The following ATP4A variants were observed in gnomAD, a reference collection of about 807,000 sequenced individuals.
ATP4A encodes the protein ATPase H+/K+ transporting subunit alpha.
ATP4A carries 73 observed loss-of-function variants against 112.1 expected under a neutral mutation model. The observed-to-expected ratio is 0.65, with a 90% CI of 0.54 to 0.79. The LOEUF (loss-of-function observed/expected upper bound fraction) is 0.79. ATP4A is among the 30% of genes least tolerant of loss of function. The pLI is 0.00. For missense variants in ATP4A, 1,081 were observed against 1,425.9 expected (o/e 0.76, Z 3.90); for synonymous variants, 588 against 588.9 (o/e 1.00, Z 0.02).
rs1199278143 is a variant in ATP4A, at chr19:35,551,287, C to T, written c.2885+160G>A. Among the ~76,000 whole-genome samples the T allele has an allele frequency of 1.3e-5, 2 of 151,728 alleles. No individual in the cohort carries two copies. The highest frequency in any genetic ancestry group is 6.6e-5 in the Admixed American group (1 of 15,236). On this transcript the variant is annotated intron_variant, in intron 19 of 21. Coordinates refer to ENST00000262623, the MANE Select transcript of ATP4A (RefSeq NM_000704.3). The surrounding 1 kb of genome is among the most constrained non-coding windows in gnomAD (Gnocchi z 5.2). ...CCCTTTAGTGAAATGTGGAGGGGGC[C>T]GTGGGGGGAGTTATTGGCCAGTTAG...
Position 35,557,593 on chromosome 19 carries a change from G to A in ATP4A, c.1693+62C>T. 1 of 1,510,466 alleles carries A rather than the reference G, an allele frequency of 6.6e-7. No individual in the cohort carries two copies. The highest frequency in any genetic ancestry group is 8.9e-7 in the Non-Finnish European group (1 of 1,120,498). The allele number at this position is 1,510,466 out of a possible 1,614,324, so 93.6% of individuals were successfully genotyped here. On this transcript the variant is annotated intron_variant, in intron 11 of 21. Coordinates refer to ENST00000262623, the MANE Select transcript of ATP4A (RefSeq NM_000704.3). The surrounding 1 kb of genome is among the most constrained non-coding windows in gnomAD (Gnocchi z 4.4). Reference sequence around the variant, plus strand: ...GGTCAGGGCTGGGCCGGGAGTGGTGGGCAGGGTCTGTGCTAGCTCCTCCTC... The same window carrying A: ...GGTCAGGGCTGGGCCGGGAGTGGTGAGCAGGGTCTGTGCTAGCTCCTCCTC...
At position 35,560,466 on chromosome 19, in the gene ATP4A, C is replaced by T. The variant is rs753704546; in HGVS notation, c.684G>A (p.Ser228=). ...AAQGCKVDNS[S]LTGESEPQTR... Reference sequence around the variant, plus strand: ...TCTGTGGCTCAGACTCCCCTGTCAGCGAGGAGTTGTCCACCTTGCAGCCCT... The same window carrying T: ...TCTGTGGCTCAGACTCCCCTGTCAGTGAGGAGTTGTCCACCTTGCAGCCCT... Residue 228 remains serine (S), a synonymous_variant, in exon 6 of 22, where the codon TCG becomes TCA. Coordinates refer to ENST00000262623, the MANE Select transcript of ATP4A (RefSeq NM_000704.3). This position sits in a 1 kb window ranked among gnomAD's most constrained non-coding sequence, Gnocchi z 5.1. 17 of 1,613,526 alleles carry T rather than the reference C, an allele frequency of 1.1e-5. No individual in the cohort carries two copies. The highest frequency in any genetic ancestry group is 1.6e-4 in the Middle Eastern group (1 of 6,084).
At chr19:35,552,973 C>T in intron 18 of ATP4A, 64 bp downstream of exon 18, 1 of 1,519,414 alleles carries the variant, frequency 6.6e-7, no homozygotes, top group Non-Finnish European at 8.9e-7. Flanking sequence ...GTGGGCCGCA[C>T]ACAAGGCAAG....
In ATP4A at chr19:35,558,565, C is replaced by G. The variant is rs1265919390; in HGVS notation, c.1365+12G>C. The G allele has an allele frequency of 2.1e-5, 33 of 1,597,502 alleles. No homozygotes were observed. The highest frequency in any genetic ancestry group is 2.8e-5 in the Non-Finnish European group (33 of 1,172,996). ...GCCTCCCGGGATTCCCTGGAGGCCC[C>G]CTGGCTCTCACCTTGGGCACAGGCA... is the stretch of plus-strand genomic sequence containing the variant. On this transcript the variant is annotated intron_variant, in intron 9 of 21. Coordinates refer to ENST00000262623, the MANE Select transcript of ATP4A (RefSeq NM_000704.3). This position sits in a 1 kb window ranked among gnomAD's most constrained non-coding sequence, Gnocchi z 5.1.
rs1260866993 is a variant in ATP4A at position 35,558,005 on chromosome 19, T to C, written c.1501-158A>G. 1.5e-6 allele frequency: 1 copy of C among 653,070 alleles called. No individual in the cohort carries two copies. Among genetic ancestry groups the C allele is most frequent in the African/African-American group, 1.9e-5 (1 of 53,908 alleles). 40.5% of individuals were successfully genotyped at this position (653,070 alleles called of 1,614,324 possible). Reference sequence around the variant, plus strand: ...GTGAAGGTGGAAGATGGAGGCCTTGTGTGGAGGGGTCCTTGGTAGAAGGTA... The same window carrying C: ...GTGAAGGTGGAAGATGGAGGCCTTGCGTGGAGGGGTCCTTGGTAGAAGGTA... On this transcript the variant is annotated intron_variant, in intron 10 of 21. Coordinates refer to ENST00000262623, the MANE Select transcript of ATP4A (RefSeq NM_000704.3). This position sits in a 1 kb window ranked among gnomAD's most constrained non-coding sequence, Gnocchi z 5.1.
Position 35,557,530 on chromosome 19 carries a change from G to T in ATP4A, c.1693+125C>A. The T allele has an allele frequency of 8.5e-7, 1 of 1,180,894 alleles. No homozygotes were observed. The highest frequency in any genetic ancestry group is 1.2e-6 in the Non-Finnish European group (1 of 850,234). The allele number at this position is 1,180,894 out of a possible 1,614,324, so 73.2% of individuals were successfully genotyped here. On this transcript the variant is annotated intron_variant, in intron 11 of 21. Coordinates refer to ENST00000262623, the MANE Select transcript of ATP4A (RefSeq NM_000704.3). This position sits in a 1 kb window ranked among gnomAD's most constrained non-coding sequence, Gnocchi z 4.4. ...CAGGGAAAGTCAAGGGTGAGGCTGT[G>T]GACTGCGACAAATCAGCCAGCAGCC...
chr19:35,554,826 C>T, intron 16 of ATP4A, 96 bp downstream of exon 16: 1 of 1,531,604 alleles, frequency 6.5e-7, no homozygotes, highest in Non-Finnish European at 8.9e-7. Context: ...CACTCTGTGC[C>T]CAAGAGTGTC....
chr19:35,563,002 C>G (rs1423211594), intron 3 of ATP4A, among the ~76,000 whole-genome samples: 1 of 150,546 alleles, frequency 6.6e-6, no homozygotes, highest in African/African-American at 2.5e-5. Flanking sequence ...CTCTCCATCT[C>G]CCTCCCTCTC....
chr19:35,562,695 C>T, intron 3 of ATP4A, 57 bp from the exon 4 acceptor site: 4 of 1,483,832 alleles, frequency 2.7e-6, no homozygotes, highest in Non-Finnish European at 3.6e-6. Context: ...CATGCACACC[C>T]CGTGGAAAGC....
intron 18 of ATP4A, among the ~76,000 whole-genome samples, chr19:35,552,300 G>A (rs144315633): frequency 0.011 from 1,695 of 152,022 alleles, 17 homozygotes; most frequent in African/African-American, 0.035. Context: ...TTAATCCGCT[G>A]GGTAACCCTA....
chr19:35,559,295 G>A lies in ATP4A; in HGVS notation c.1057-104C>T, dbSNP rs1464668604. ...GGCTTTACCCCAGCCGCGGGGCTGCGTGTGCAACGTGCTTCTGCAAACACC... is the reference window on the plus strand; with the variant it reads ...GGCTTTACCCCAGCCGCGGGGCTGCATGTGCAACGTGCTTCTGCAAACACC... On this transcript the variant is annotated intron_variant, in intron 7 of 21. Coordinates refer to ENST00000262623, the MANE Select transcript of ATP4A (RefSeq NM_000704.3). This position sits in a 1 kb window ranked among gnomAD's most constrained non-coding sequence, Gnocchi z 4.1. The A allele has an allele frequency of 5.8e-6, 7 of 1,207,298 alleles. No homozygotes were observed. Among genetic ancestry groups the A allele is most frequent in the Non-Finnish European group, 8.3e-6 (7 of 842,968 alleles). 74.8% of individuals were successfully genotyped at this position (1,207,298 alleles called of 1,614,324 possible). A position where few individuals can be genotyped will look rare whatever the true frequency, so the allele number is the denominator to read the frequency against.
rs1306948312 is a variant in ATP4A at position 35,563,442 on chromosome 19, C to T, written c.98G>A (p.Gly33Asp). 1 of 1,614,052 alleles carries T rather than the reference C, an allele frequency of 6.2e-7. No individual in the cohort carries two copies. The highest frequency in any genetic ancestry group is 1.7e-5 in the Admixed American group (1 of 60,016). Reference protein sequence around the residue: ...AAKMSKKKKAGGGGGKRKEKL... With the variant: ...AAKMSKKKKADGGGGKRKEKL... ...CTCCTTCCTCTTGCCACCCCCGCCACCCGCCTTCTTCTTCTTGCTCATCTT... is the reference window on the plus strand; with the variant it reads ...CTCCTTCCTCTTGCCACCCCCGCCATCCGCCTTCTTCTTCTTGCTCATCTT... Residue 33 changes from glycine (G) to aspartate (D), a missense_variant, in exon 2 of 22, where the codon GGT (glycine) becomes GAT (aspartate). Physicochemically the swap from Gly to Asp is moderately conservative, Grantham distance 94. This residue lies in a region of ATP4A where 850 missense variants were observed against 1,068.2 expected (regional missense o/e 0.80). Coordinates refer to ENST00000262623, the MANE Select transcript of ATP4A (RefSeq NM_000704.3).
In ATP4A at chr19:35,553,761, T is replaced by C. The variant is rs750930776; in HGVS notation, c.2550A>G (p.Pro850=). The change falls in exon 17 of 22, where the codon CCA becomes CCG. Residue 850 remains proline (P), a synonymous_variant. Coordinates refer to ENST00000262623, the MANE Select transcript of ATP4A (RefSeq NM_000704.3). ...SDIMHLRPRN[P]KRDRLVNEPL... ...GCTCGTTGACCAATCTGTCACGCTT[T>C]GGGTTGCGTGGACGCAGGTGCATGA... The C allele has an allele frequency of 2.5e-6, 4 of 1,612,332 alleles. No individual in the cohort carries two copies. Among genetic ancestry groups the C allele is most frequent in the Middle Eastern group, 1.7e-4 (1 of 6,034 alleles).
Position 35,560,565 on chromosome 19 carries a change from T to C in ATP4A, c.585A>G (p.Gln195=), listed in dbSNP as rs2071663945. 1 of 1,613,266 alleles carries C rather than the reference T, an allele frequency of 6.2e-7. No homozygotes were observed. The highest frequency in any genetic ancestry group is 1.3e-5 in the African/African-American group (1 of 74,814). ...TCTCCACCAGGTCGCCCACCACCAG[T>C]TGGTCAGCGTTGATCTGGAATTTGT... ...DGDKFQINAD[Q]LVVGDLVEMK... The change falls in exon 6 of 22, where the codon CAA becomes CAG. Residue 195 remains glutamine, a synonymous_variant. Coordinates refer to ENST00000262623, the MANE Select transcript of ATP4A (RefSeq NM_000704.3). This position sits in a 1 kb window ranked among gnomAD's most constrained non-coding sequence, Gnocchi z 5.1.
In ATP4A at chr19:35,555,783, G is replaced by A. The variant is rs777563260; in HGVS notation, c.1899C>T (p.Ile633=). 1.2e-6 allele frequency: 2 copies of A among 1,613,384 alleles called. No individual in the cohort carries two copies. The highest frequency in any genetic ancestry group is 3.3e-5 in the Admixed American group (2 of 60,000). Residue 633 remains isoleucine (I), a synonymous_variant, in exon 13 of 22, where the codon ATC becomes ATT. Coordinates refer to ENST00000262623, the MANE Select transcript of ATP4A (RefSeq NM_000704.3). This position sits in a 1 kb window ranked among gnomAD's most constrained non-coding sequence, Gnocchi z 6.6. ...CACTGGCTGCAATGGCCTTGGCGGT[G>A]ATGGGGTGGTCACCCGTTACCATGA... ...RVIMVTGDHP[I]TAKAIAASVG... is the part of the protein sequence containing the mutation.
chr19:35,557,005 C>T lies in ATP4A; in HGVS notation c.1777G>A (p.Gly593Ser), dbSNP rs1427434013. 2.5e-5 allele frequency: 40 copies of T among 1,614,184 alleles called. No individual in the cohort carries two copies. Among genetic ancestry groups the T allele is most frequent in the South Asian group, 3.3e-5 (3 of 91,084 alleles). ...DVEAMNFPSS[G>S]LCFAGLVSMI... The stretch of plus-strand genomic sequence containing the variant: ...GATACAAGTCCCGCAAAGCAGAGGC[C>T]GCTAGATGGAAAGTTCATGGCCTCT... The change falls in exon 12 of 22, where the codon GGC becomes AGC. Residue 593 changes from glycine to serine, a missense_variant. Gly to Ser is a moderately conservative substitution (Grantham distance 56). This residue lies in a region of ATP4A where 850 missense variants were observed against 1,068.2 expected (regional missense o/e 0.80). Transcript: ENST00000262623. The surrounding 1 kb of genome is among the most constrained non-coding windows in gnomAD (Gnocchi z 4.4).
In ATP4A at chr19:35,551,113, TGGGGGTGGGCAGAATGGGACA is replaced by T. The variant is rs1041135235; in HGVS notation, c.2886-23_2886-3del. 5 of 1,603,856 alleles carry T rather than the reference TGGGGGTGGGCAGAATGGGACA, an allele frequency of 3.1e-6. No individual in the cohort carries two copies. In the African/African-American group the frequency reaches 4.0e-5, roughly 13 times the overall value. ...ATGGCGATCACCAGGATCTTATTCC[TGGGGGTGGGCAGAATGGGACA>T]GGCCATTAGGAATTGGGGACGTGAT... On this transcript the variant is annotated splice_region_variant and splice_polypyrimidine_tract_variant and intron_variant, in intron 19 of 21. Coordinates refer to ENST00000262623, the MANE Select transcript of ATP4A (RefSeq NM_000704.3). The surrounding 1 kb of genome is among the most constrained non-coding windows in gnomAD (Gnocchi z 5.2).
Position 35,550,502 on chromosome 19 carries a change from T to G in ATP4A, c.*113A>C. On this transcript the variant is annotated 3_prime_UTR_variant, in exon 22 of 22. Transcript: ENST00000262623. The surrounding 1 kb of genome is among the most constrained non-coding windows in gnomAD (Gnocchi z 4.1). ...CGTGGGCTACAGAAGCAGATACTGG[T>G]GGGGCTGGGACTCTTGGTTGCTCAG... is the stretch of plus-strand genomic sequence containing the variant. The G allele has an allele frequency of 7.1e-7, 1 of 1,399,882 alleles. No individual in the cohort carries two copies. The highest frequency in any genetic ancestry group is 9.9e-7 in the Non-Finnish European group (1 of 1,006,338). 86.7% of individuals were successfully genotyped at this position (1,399,882 alleles called of 1,614,324 possible). A position where few individuals can be genotyped will look rare whatever the true frequency, so the allele number is the denominator to read the frequency against.
chr19:35,556,579 C>T (rs534385686), intron 12 of ATP4A, among the ~76,000 whole-genome samples: 3 of 152,296 alleles, frequency 2.0e-5, no homozygotes, highest in Non-Finnish European at 2.9e-5. Context: ...GCAAAAGAGG[C>T]ACTCTCTTTT....
Sources: gnomAD v4.1 joint callset for allele counts (sites outside exome capture counted in the v4.1 genomes callset) on GRCh38, gnomAD v4.1.1 for gene constraint, gnomAD v4.1.1 regional missense constraint, Gnocchi (gnomAD v3.1) non-coding constraint, MANE v1.5 for transcripts, NCBI Gene and HGNC (gene_info 2026-07-23, HGNC 2026-07-21) for gene names.